The following SHROOM3 variants were observed in gnomAD, a reference collection of about 807,000 sequenced individuals.
The protein encoded by SHROOM3 is shroom family member 3, also known as protein Shroom3.
Under a neutral mutation model 138.6 loss-of-function variants are expected in SHROOM3, and 47 were observed. That is an observed-to-expected ratio of 0.34 (90% CI 0.27 to 0.43). SHROOM3 has a LOEUF of 0.43. Among genes scored for constraint, SHROOM3 ranks in the 20% least tolerant of loss-of-function variants. The pLI, the probability that SHROOM3 is intolerant of heterozygous loss-of-function variation, is 1.00. For synonymous variants in SHROOM3, 1,062 were observed against 1,063.3 expected (o/e 1.00, Z 0.02); for missense variants, 2,491 against 2,596.5 (o/e 0.96, Z 0.88).
chr4:76,703,128 T>C (rs1210427816), intron 2 of SHROOM3, among the ~76,000 whole-genome samples: 1 of 152,174 alleles, frequency 6.6e-6, no homozygotes, highest in African/African-American at 2.4e-5. Context: ...AGTGCATCTC[T>C]GCAGAGCTGA....
chr4:76,586,314 C>T (rs1734152706), intron 2 of SHROOM3: 1 of 985,682 alleles, frequency 1.0e-6, no homozygotes, highest in Non-Finnish European at 1.2e-6. Context: ...CTGGCTCCTG[C>T]GGATCCTTCC....
At chr4:76,631,949 A>C (rs541259154) in intron 2 of SHROOM3, among the ~76,000 whole-genome samples, 20 of 152,292 alleles carry the variant, frequency 1.3e-4, no homozygotes, top group African/African-American at 4.8e-4. Flanking sequence ...GACTGATCGG[A>C]TCAACTGACT....
chr4:76,711,739 C>T (rs1720234626), intron 3 of SHROOM3, among the ~76,000 whole-genome samples: 1 of 151,260 alleles, frequency 6.6e-6, no homozygotes, highest in Admixed American at 6.6e-5. Context: ...TTAGACTATC[C>T]ATGTTCAATA....
chr4:76,569,746 A>C (rs1733798176), intron 2 of SHROOM3, among the ~76,000 whole-genome samples: 1 of 151,560 alleles, frequency 6.6e-6, no homozygotes. Flanking sequence ...AACTTGCATC[A>C]AAACGGCTGT....
intron 2 of SHROOM3, among the ~76,000 whole-genome samples, chr4:76,598,686 T>C (rs909643665): frequency 7.2e-5 from 11 of 152,296 alleles, no homozygotes; most frequent in South Asian, 4.1e-4. Context: ...TGTCTTTTTC[T>C]GGTTTGACAA....
At chr4:76,653,949 G>A (rs541994429) in intron 2 of SHROOM3, among the ~76,000 whole-genome samples, 1 of 152,160 alleles carries the variant, frequency 6.6e-6, no homozygotes, top group Non-Finnish European at 1.5e-5. Context: ...GTAAGGCATG[G>A]TTTTTGCCTT....
At position 76,740,663 on chromosome 4, in the gene SHROOM3, A is replaced by T. The variant is rs1480142635; in HGVS notation, c.2490A>T (p.Ala830=). ...GGAATGACTTCGAGGAGACAAAAGC[A>T]CACATTCGTTTCTCTGAGTCAGCTG... ...TSGNDFEETK[A]HIRFSESAEP... Residue 830 remains alanine, a synonymous_variant, in exon 5 of 11, where the codon GCA becomes GCT. Transcript: ENST00000296043. The surrounding 1 kb of genome is among the most constrained non-coding windows in gnomAD (Gnocchi z 4.0). 14 of 1,614,054 alleles carry T rather than the reference A, an allele frequency of 8.7e-6. No individual in the cohort carries two copies. The highest frequency in any genetic ancestry group is 1.2e-5 in the Non-Finnish European group (14 of 1,180,036).
intron 2 of SHROOM3, among the ~76,000 whole-genome samples, chr4:76,704,966 A>G (rs1720008093): frequency 6.6e-6 from 1 of 152,224 alleles, no homozygotes; most frequent in Non-Finnish European, 1.5e-5. Context: ...AGGATAAAAT[A>G]GAAAAATGCA....
chr4:76,773,962 C>T (rs1722458083), intron 10 of SHROOM3, among the ~76,000 whole-genome samples: 1 of 152,278 alleles, frequency 6.6e-6, no homozygotes, highest in South Asian at 2.1e-4. Context: ...GTGACTTACT[C>T]AGCCTGGGGA....
intron 2 of SHROOM3, among the ~76,000 whole-genome samples, chr4:76,682,451 C>T (rs1719225927): frequency 6.6e-6 from 1 of 152,168 alleles, no homozygotes; most frequent in South Asian, 2.1e-4. Context: ...CCACCACACT[C>T]CACCATCCTT....
Position 76,778,885 on chromosome 4 carries a change from G to T in SHROOM3, c.5699G>T (p.Arg1900Leu). 6.2e-7 allele frequency: 1 copy of T among 1,613,256 alleles called. No homozygotes were observed. Among genetic ancestry groups the T allele is most frequent in the Non-Finnish European group, 8.5e-7 (1 of 1,180,036 alleles). Residue 1900 changes from arginine (R) to leucine (L), a missense_variant, in exon 11 of 11, where the codon CGC (arginine) becomes CTC (leucine). Transcript: ENST00000296043. ...DARELKENLD[R>L]RERVVLGILA... ...CGGGAGCTGAAGGAGAACCTGGATC[G>T]CAGGGAGCGAGTAGTGCTGGGCATC... is the stretch of plus-strand genomic sequence containing the variant.
intron 1 of SHROOM3, among the ~76,000 whole-genome samples, chr4:76,538,699 A>G (rs1471983769): frequency 6.6e-6 from 1 of 152,176 alleles, no homozygotes; most frequent in East Asian, 1.9e-4. Flanking sequence ...CTTTTCCTTT[A>G]TTAATTAATT....
intron 8 of SHROOM3, chr4:76,758,021 AGAAAG>A (rs1186240648): frequency 2.0e-5 from 3 of 152,218 alleles, no homozygotes; most frequent in Admixed American, 6.5e-5. Context: ...TGGGGGAGAG[AGAAAG>A]GAAAGAGCTA....
intron 2 of SHROOM3, among the ~76,000 whole-genome samples, chr4:76,687,968 A>G (rs1398861114): frequency 6.6e-6 from 1 of 152,126 alleles, no homozygotes; most frequent in East Asian, 1.9e-4. Flanking sequence ...TCTCCAGCTA[A>G]TACTTCTTAC....
intron 5 of SHROOM3, 78 bp from the exon 6 acceptor site, chr4:76,748,939 C>T: frequency 1.4e-6 from 2 of 1,406,568 alleles, no homozygotes; most frequent in Non-Finnish European, 2.0e-6. Flanking sequence ...TGTTCCTTCT[C>T]CTTTTTACCT....
intron 1 of SHROOM3, among the ~76,000 whole-genome samples, chr4:76,527,376 A>G (rs962227799): frequency 1.3e-5 from 2 of 152,176 alleles, no homozygotes; most frequent in Non-Finnish European, 2.9e-5. Context: ...TGAGGTCAGG[A>G]GTTTGAGACC....
intron 2 of SHROOM3, among the ~76,000 whole-genome samples, chr4:76,708,751 C>G (rs1720139977): frequency 6.6e-6 from 1 of 152,198 alleles, no homozygotes; most frequent in Non-Finnish European, 1.5e-5. Flanking sequence ...AGGACTCAGA[C>G]TCCAGAGTCA....
intron 6 of SHROOM3, among the ~76,000 whole-genome samples, chr4:76,751,982 A>G (rs954141873): frequency 1.8e-4 from 28 of 152,236 alleles, no homozygotes; most frequent in African/African-American, 6.8e-4. Context: ...AATTGAAAGC[A>G]GGGTCTCCAA....
chr4:76,447,006 AGTACACT>A (rs1378288272), intron 1 of SHROOM3, among the ~76,000 whole-genome samples: 1 of 152,146 alleles, frequency 6.6e-6, no homozygotes, highest in African/African-American at 2.4e-5. Context: ...CTTTCCTAAT[AGTACACT>A]CTCTTGGCAC....
Sources: gnomAD v4.1 joint callset for allele counts (sites outside exome capture counted in the v4.1 genomes callset) on GRCh38, gnomAD v4.1.1 for gene constraint, Gnocchi (gnomAD v3.1) non-coding constraint, MANE v1.5 for transcripts, NCBI Gene and HGNC (gene_info 2026-07-23, HGNC 2026-07-21) for gene names.